Variants in PPP2R5D observed in about 807,000 individuals in gnomAD.
PPP2R5D encodes serine/threonine-protein phosphatase 2A 56 kDa regulatory subunit delta isoform.
In PPP2R5D, 12 loss-of-function variants were observed where a neutral mutation model predicts 79.1. The ratio of observed to expected loss-of-function variants is 0.15; its 90% CI spans 0.10 to 0.25. PPP2R5D has a LOEUF of 0.25. Among genes scored for constraint, PPP2R5D ranks in the 10% least tolerant of loss-of-function variants. The pLI is 1.00. For synonymous variants in PPP2R5D, 277 were observed against 286.6 expected (o/e 0.97, Z 0.34); for missense variants, 419 against 760.2 (o/e 0.55, Z 5.28).
chr6:43,003,281 G>A (rs1433537056), intron 2 of PPP2R5D, among the ~76,000 whole-genome samples: 2 of 152,044 alleles, frequency 1.3e-5, no homozygotes, highest in African/African-American at 4.8e-5. Context: ...AAAGTAGCTG[G>A]CATGGTGGCG....
At chr6:42,996,065 C>T (rs1479567959) in intron 2 of PPP2R5D, among the ~76,000 whole-genome samples, 7 of 140,070 alleles carry the variant, frequency 5.0e-5, no homozygotes, top group Non-Finnish European at 9.2e-5. Flanking sequence ...AGGATGGTCT[C>T]GATCACTTGA....
rs199903696 is a variant in PPP2R5D at position 43,009,461 on chromosome 6, G to A, written c.1379+12G>A. 5.0e-6 allele frequency: 8 copies of A among 1,613,872 alleles called. No individual in the cohort carries two copies. In the African/African-American group the frequency reaches 6.7e-5, roughly 13 times the overall value. The stretch of plus-strand genomic sequence containing the variant: ...AGCCACTGGAACAAGTAAGGCGCTG[G>A]GGTGGGGCTGGGTGGTGGGGATCCA... On this transcript the variant is annotated intron_variant, in intron 12 of 15. Transcript: ENST00000485511. The surrounding 1 kb of genome is among the most constrained non-coding windows in gnomAD (Gnocchi z 5.6).
In PPP2R5D at chr6:43,011,539, A is replaced by C; in HGVS notation, c.*253A>C. 2 of 537,736 alleles carry C rather than the reference A, an allele frequency of 3.7e-6. No individual in the cohort carries two copies. Among genetic ancestry groups the C allele is most frequent in the Non-Finnish European group, 3.3e-6 (1 of 301,362 alleles). The allele number at this position is 537,736 out of a possible 1,614,324, so 33.3% of individuals were successfully genotyped here. A position where few individuals can be genotyped will look rare whatever the true frequency, so the allele number is the denominator to read the frequency against. ...TGCTTAGTGCTCAGACAACCTGGGG[A>C]TGCCTGTCCCCTACCTGCTCCTCAC... On this transcript the variant is annotated 3_prime_UTR_variant, in exon 16 of 16. Coordinates refer to ENST00000485511, the MANE Select transcript of PPP2R5D (RefSeq NM_006245.4).
In PPP2R5D at chr6:43,010,063, C is replaced by T. The variant is rs551942200; in HGVS notation, c.1380-405C>T. Among the ~76,000 whole-genome samples, 1 of 144,518 alleles carries T rather than the reference C, an allele frequency of 6.9e-6. No individual in the cohort carries two copies. The highest frequency in any genetic ancestry group is 2.2e-4 in the South Asian group (1 of 4,514). 94.8% of individuals were successfully genotyped at this position (144,518 alleles called of 152,430 possible). On this transcript the variant is annotated intron_variant, in intron 12 of 15. Transcript: ENST00000485511. This position sits in a 1 kb window ranked among gnomAD's most constrained non-coding sequence, Gnocchi z 4.7. ...CAGCCTGGGCAACAGAGTGAGACTCCGTCTTAAAAAAAAAACTCAGGGTTT... is the reference window on the plus strand; with the variant it reads ...CAGCCTGGGCAACAGAGTGAGACTCTGTCTTAAAAAAAAAACTCAGGGTTT...
rs775442151 is a variant in PPP2R5D at position 43,007,488 on chromosome 6, C to T, written c.708C>T (p.Asp236=). ...CAAACATAGCCAAGAAGTACATCGA[C>T]CAGAAGTTTGTACTTGCTGTGAGTC... ...FQPNIAKKYI[D]QKFVLALLDL... is the part of the protein sequence containing the mutation. Residue 236 remains aspartate (D), a synonymous_variant, in exon 6 of 16, where the codon GAC becomes GAT. Transcript: ENST00000485511. This position sits in a 1 kb window ranked among gnomAD's most constrained non-coding sequence, Gnocchi z 4.5. 3.1e-6 allele frequency: 5 copies of T among 1,611,986 alleles called. No homozygotes were observed. Among genetic ancestry groups the T allele is most frequent in the Non-Finnish European group, 2.5e-6 (3 of 1,178,154 alleles).
chr6:42,998,058 T>TA (rs1391790699), intron 2 of PPP2R5D, among the ~76,000 whole-genome samples: 6 of 10,682 alleles, frequency 5.6e-4, no homozygotes, highest in Non-Finnish European at 8.8e-4. Context: ...TATATATATA[T>TA]TTTTTTTTTT....
In PPP2R5D at chr6:43,008,122, G is replaced by T; in HGVS notation, c.857+57G>T. 6.2e-7 allele frequency: 1 copy of T among 1,613,748 alleles called. No individual in the cohort carries two copies. Among genetic ancestry groups the T allele is most frequent in the Non-Finnish European group, 8.5e-7 (1 of 1,179,678 alleles). ...ACCTTCTGCTACTGAGGTGGGGTGG[G>T]AGCAGGGAGGTGGGGGGACTGTACA... is the stretch of plus-strand genomic sequence containing the variant. On this transcript the variant is annotated intron_variant, in intron 7 of 15. Transcript: ENST00000485511. The surrounding 1 kb of genome is among the most constrained non-coding windows in gnomAD (Gnocchi z 4.2).
Sources: gnomAD v4.1 joint callset for allele counts (sites outside exome capture counted in the v4.1 genomes callset) on GRCh38, gnomAD v4.1.1 for gene constraint, Gnocchi (gnomAD v3.1) non-coding constraint, MANE v1.5 for transcripts, NCBI Gene and HGNC (gene_info 2026-07-23, HGNC 2026-07-21) for gene names.